SPOCK3: variants seen among roughly 807,000 people sequenced by gnomAD.
The protein encoded by SPOCK3 is SPARC (osteonectin), cwcv and kazal like domains proteoglycan 3, also known as testican-3.
SPOCK3 carries 30 observed loss-of-function variants against 56.6 expected under a neutral mutation model. The ratio of observed to expected loss-of-function variants is 0.53; its 90% confidence interval spans 0.40 to 0.72. The LOEUF (loss-of-function observed/expected upper bound fraction) is 0.72, where lower values mean the gene tolerates loss of function less well. SPOCK3 is among the 30% of genes least tolerant of loss of function. SPOCK3 has a pLI of 0.00. For missense variants in SPOCK3, 527 were observed against 530.0 expected (o/e 0.99, Z 0.06); for synonymous variants, 196 against 183.3 (o/e 1.07, Z -0.56).
At chr4:167,158,428 T>A (rs145780506) in intron 2 of SPOCK3, among the ~76,000 whole-genome samples, 1 of 152,006 alleles carries the variant, frequency 6.6e-6, no homozygotes, top group South Asian at 2.1e-4. Flanking sequence ...GTGGGTGTCA[T>A]CACCAACTTG....
chr4:167,106,495 G>C (rs1243574950), intron 2 of SPOCK3, among the ~76,000 whole-genome samples: 2 of 151,684 alleles, frequency 1.3e-5, no homozygotes, highest in South Asian at 4.1e-4. Flanking sequence ...GCAGTACTAA[G>C]AGGAAAGTTT....
At chr4:167,158,456 C>T (rs1580466079) in intron 2 of SPOCK3, among the ~76,000 whole-genome samples, 1 of 152,094 alleles carries the variant, frequency 6.6e-6, no homozygotes, top group South Asian at 2.1e-4. Context: ...CAATCTATCA[C>T]ACATCTTGTT....
intron 3 of SPOCK3, among the ~76,000 whole-genome samples, chr4:167,015,874 A>G (rs1750576213): frequency 6.6e-6 from 1 of 152,148 alleles, no homozygotes; most frequent in South Asian, 2.1e-4. Context: ...ATTGTTATTT[A>G]CTAAAGAACT....
chr4:166,996,946 A>C (rs1389227491), intron 4 of SPOCK3, among the ~76,000 whole-genome samples: 1 of 152,144 alleles, frequency 6.6e-6, no homozygotes, highest in African/African-American at 2.4e-5. Flanking sequence ...GTTTCTTAAA[A>C]CCAATCGTTA....
At chr4:166,899,842 G>T (rs1735852171) in intron 5 of SPOCK3, among the ~76,000 whole-genome samples, 1 of 152,146 alleles carries the variant, frequency 6.6e-6, no homozygotes, top group Non-Finnish European at 1.5e-5. Flanking sequence ...TTAGAGCTAT[G>T]CAGGTGGATT....
At position 166,735,175 on chromosome 4, in the gene SPOCK3, A is replaced by T. The variant is rs1734100813; in HGVS notation, c.1133-85T>A. 47 of 813,860 alleles carry T rather than the reference A, an allele frequency of 5.8e-5. 1 individual carries two copies. In the South Asian group the frequency reaches 8.7e-4, roughly 15 times the overall value. 50.4% of individuals were successfully genotyped at this position (813,860 alleles called of 1,614,324 possible). ...AGATAAAATCCTTATAAAAATTAAG[A>T]ATATTTTTTAGAAAGTAATTTGTTT... On this transcript the variant is annotated intron_variant, in intron 10 of 10. Coordinates refer to ENST00000357545, the MANE Select transcript of SPOCK3 (RefSeq NM_001040159.2).
chr4:166,856,292 G>C (rs569394332), intron 6 of SPOCK3, among the ~76,000 whole-genome samples: 1 of 152,030 alleles, frequency 6.6e-6, no homozygotes, highest in Non-Finnish European at 1.5e-5. Context: ...GGTGACTGTA[G>C]TTAATAATAA....
At chr4:167,061,959 T>C (rs1755653785) in intron 3 of SPOCK3, among the ~76,000 whole-genome samples, 1 of 151,898 alleles carries the variant, frequency 6.6e-6, no homozygotes, top group Non-Finnish European at 1.5e-5. Context: ...TTTCTTGTTT[T>C]CCTTTTAAAG....
chr4:166,747,205 C>T (rs530685994), intron 8 of SPOCK3, among the ~76,000 whole-genome samples: 4 of 152,276 alleles, frequency 2.6e-5, no homozygotes, highest in East Asian at 3.9e-4. Context: ...AGGCCAACAT[C>T]GCTGATGAAC....
chr4:166,908,274 A>T (rs754741695), intron 5 of SPOCK3, among the ~76,000 whole-genome samples: 6 of 47,816 alleles, frequency 1.3e-4, no homozygotes, highest in Non-Finnish European at 2.1e-4. Flanking sequence ...GTTATTGTTC[A>T]CACACACACA....
chr4:167,112,690 G>A (rs942021040), intron 2 of SPOCK3, among the ~76,000 whole-genome samples: 3 of 151,982 alleles, frequency 2.0e-5, no homozygotes, highest in East Asian at 1.9e-4. Flanking sequence ...CAGGTGAAAC[G>A]CAGAAATAGG....
At chr4:166,861,267 A>G (rs971925685) in intron 6 of SPOCK3, among the ~76,000 whole-genome samples, 2 of 152,120 alleles carry the variant, frequency 1.3e-5, no homozygotes, top group Non-Finnish European at 2.9e-5. Flanking sequence ...GCAACTGTGC[A>G]AAAGAATAAG....
rs1400335404 is a variant in SPOCK3 at position 166,754,693 on chromosome 4, G to T, written c.746C>A (p.Ser249Ter). 1 of 1,613,604 alleles carries T rather than the reference G, an allele frequency of 6.2e-7. No homozygotes were observed. Among genetic ancestry groups the T allele is most frequent in the Non-Finnish European group, 8.5e-7 (1 of 1,179,692 alleles). The change falls in exon 8 of 11, where the codon TCA becomes TAA. Residue 249 changes from serine (S) to a stop codon, truncating the protein, a stop_gained. Coordinates refer to ENST00000357545, the MANE Select transcript of SPOCK3 (RefSeq NM_001040159.2). LOFTEE classifies it high-confidence loss of function. ...AAGTCTGTTAAACATCCAGCCAAGT[G>T]AGTCCTTGCAAATTGGCAAGATGCT... is the stretch of plus-strand genomic sequence containing the variant. ...DTSILPICKD[S>*]LGWMFNRLDT...
intron 2 of SPOCK3, among the ~76,000 whole-genome samples, chr4:167,187,223 C>T (rs1256756548): frequency 6.6e-6 from 1 of 151,562 alleles, no homozygotes; most frequent in African/African-American, 2.4e-5. Context: ...ACGTTTCATT[C>T]ACACAAAACT....
At chr4:166,868,186 G>A (rs540780271) in intron 6 of SPOCK3, among the ~76,000 whole-genome samples, 25 of 151,608 alleles carry the variant, frequency 1.6e-4, no homozygotes, top group Non-Finnish European at 2.7e-4. Flanking sequence ...ACATGTAATC[G>A]CAACAATTTG....
rs565576135 is a variant in SPOCK3, at chr4:166,904,388, T to G, written c.474+8232A>C. Among the ~76,000 whole-genome samples the G allele has an allele frequency of 2.5e-3, 381 of 152,230 alleles. 3 individuals carry two copies. Among genetic ancestry groups the G allele is most frequent in the African/African-American group, 8.8e-3 (365 of 41,582 alleles). ...ACATTATGCAATCATGATATGTTAA[T>G]TTCTTAAAAGAATATTTTGTTTGTT... On this transcript the variant is annotated intron_variant, in intron 5 of 10. Transcript: ENST00000357545.
chr4:166,953,418 TAA>T (rs1044622250), intron 4 of SPOCK3, among the ~76,000 whole-genome samples: 23 of 151,328 alleles, frequency 1.5e-4, no homozygotes, highest in African/African-American at 5.6e-4. Flanking sequence ...TGGCGATCAT[TAA>T]AAAGTCAGGA....
At chr4:167,039,082 C>T (rs148827014) in intron 3 of SPOCK3, among the ~76,000 whole-genome samples, 3 of 152,212 alleles carry the variant, frequency 2.0e-5, no homozygotes, top group East Asian at 1.9e-4. Flanking sequence ...CTCCAAGAGA[C>T]GCTCTAGTCC....
At chr4:166,977,346 A>G (rs1746063637) in intron 4 of SPOCK3, among the ~76,000 whole-genome samples, 2 of 152,140 alleles carry the variant, frequency 1.3e-5, no homozygotes, top group South Asian at 4.1e-4. Flanking sequence ...ATGAAAATGT[A>G]GACAAAATGA....
Sources: gnomAD v4.1 joint callset for allele counts (sites outside exome capture counted in the v4.1 genomes callset) on GRCh38, gnomAD v4.1.1 for gene constraint, MANE v1.5 for transcripts, NCBI Gene and HGNC (gene_info 2026-07-23, HGNC 2026-07-21) for gene names.